Variants in PTK7 observed in about 807,000 individuals in gnomAD.
The protein encoded by PTK7 is inactive tyrosine-protein kinase 7.
In PTK7, 39 loss-of-function variants were observed where a neutral mutation model predicts 116.6. The observed-to-expected ratio is 0.33, with a 90% CI of 0.26 to 0.44. The LOEUF (loss-of-function observed/expected upper bound fraction) is 0.44, where lower values mean the gene tolerates loss of function less well. Among genes scored for constraint, PTK7 ranks in the 20% least tolerant of loss-of-function variants. The pLI is 1.00. For synonymous variants in PTK7, 546 were observed against 563.6 expected (o/e 0.97, Z 0.44); for missense variants, 1,169 against 1,425.6 (o/e 0.82, Z 2.90).
At position 43,076,355 on chromosome 6, in the gene PTK7, C is replaced by CTCGGGG. The variant is rs1347717317; in HGVS notation, c.-128_-123dup. The CTCGGGG allele has an allele frequency of 7.7e-6, 4 of 516,772 alleles. No individual in the cohort carries two copies. Among genetic ancestry groups the CTCGGGG allele is most frequent in the African/African-American group, 2.1e-5 (1 of 48,464 alleles). The allele number at this position is 516,772 out of a possible 1,614,324, so 32.0% of individuals were successfully genotyped here. ...TCCGGCTCGGGACGCCTCGGGACGC[C>CTCGGGG]TCGGGGTCGGGCTCCGGCTGCGGCT... On this transcript the variant is annotated 5_prime_UTR_variant, in exon 1 of 20. Coordinates refer to ENST00000230419, the MANE Select transcript of PTK7 (RefSeq NM_002821.5). The surrounding 1 kb of genome is among the most constrained non-coding windows in gnomAD (Gnocchi z 5.7).
At chr6:43,160,310 G>A (rs1286855875) in intron 19 of PTK7, among the ~76,000 whole-genome samples, 2 of 152,098 alleles carry the variant, frequency 1.3e-5, no homozygotes, top group African/African-American at 4.8e-5. Context: ...AGAGATGGGG[G>A]GGCTTCACCA....
intron 1 of PTK7, among the ~76,000 whole-genome samples, chr6:43,113,695 C>G (rs1002359396): frequency 6.6e-6 from 1 of 152,142 alleles, no homozygotes; most frequent in Non-Finnish European, 1.5e-5. Context: ...TCTGGAAAAG[C>G]TGGATGGAAA....
chr6:43,109,550 T>C (rs1435655040), intron 1 of PTK7, among the ~76,000 whole-genome samples: 1 of 152,158 alleles, frequency 6.6e-6, no homozygotes, highest in Non-Finnish European at 1.5e-5. Context: ...GGATTTATTA[T>C]AATTTATATT....
At chr6:43,080,643 T>C (rs1766323868) in intron 1 of PTK7, among the ~76,000 whole-genome samples, 1 of 151,986 alleles carries the variant, frequency 6.6e-6, no homozygotes, top group Non-Finnish European at 1.5e-5. Context: ...GTGCTGAGGA[T>C]TAAGTATAAT....
chr6:43,145,137 C>T lies in PTK7; in HGVS notation c.2408-63C>T, dbSNP rs918632478. ...ACTGTGGGAGAGGCTAGGCCCCTCC[C>T]CCAGGTCAGGAGCTGCCTCGGCCTG... On this transcript the variant is annotated intron_variant, in intron 15 of 19. Coordinates refer to ENST00000230419, the MANE Select transcript of PTK7 (RefSeq NM_002821.5). The surrounding 1 kb of genome is among the most constrained non-coding windows in gnomAD (Gnocchi z 4.8). 18 of 1,475,076 alleles carry T rather than the reference C, an allele frequency of 1.2e-5. No individual in the cohort carries two copies. In the South Asian group the frequency reaches 1.6e-4, roughly 13 times the overall value. 91.4% of individuals were successfully genotyped at this position (1,475,076 alleles called of 1,614,324 possible). A position where few individuals can be genotyped will look rare whatever the true frequency, so the allele number is the denominator to read the frequency against.
chr6:43,103,853 G>A (rs796380715), intron 1 of PTK7, among the ~76,000 whole-genome samples: 2 of 152,214 alleles, frequency 1.3e-5, no homozygotes, highest in African/African-American at 4.8e-5. Context: ...CTGGAGAACA[G>A]AGTAGATTTT....
Position 43,076,562 on chromosome 6 carries a change from T to C in PTK7, c.74T>C (p.Leu25Pro). 1 of 1,576,448 alleles carries C rather than the reference T, an allele frequency of 6.3e-7. No individual in the cohort carries two copies. Among genetic ancestry groups the C allele is most frequent in the Non-Finnish European group, 8.6e-7 (1 of 1,166,498 alleles). ...CTCAGCGTCCTGCTGCTGCCGCTGC[T>C]GGGCGGTGAGTACCCGAGAGTTGGG... Reference protein sequence around the residue: ...PLLSVLLLPLLGGTQTAIVFI... With the variant: ...PLLSVLLLPLPGGTQTAIVFI... Residue 25 changes from leucine (L) to proline (P), a missense_variant, in exon 1 of 20, where the codon CTG (leucine) becomes CCG (proline). Physicochemically the swap from Leu to Pro is moderately conservative, Grantham distance 98. Transcript: ENST00000230419. This position sits in a 1 kb window ranked among gnomAD's most constrained non-coding sequence, Gnocchi z 5.7.
chr6:43,122,682 C>G (rs906532978), intron 1 of PTK7, among the ~76,000 whole-genome samples: 4 of 150,272 alleles, frequency 2.7e-5, no homozygotes, highest in African/African-American at 9.8e-5. Flanking sequence ...TCTCGGCTCA[C>G]TGCAACCTCT....
intron 1 of PTK7, among the ~76,000 whole-genome samples, chr6:43,087,895 A>G (rs1349976531): frequency 6.6e-6 from 1 of 152,164 alleles, no homozygotes; most frequent in Admixed American, 6.5e-5. Flanking sequence ...ATTAGGGTAT[A>G]ATTTTCTGGG....
rs781117261 is a variant in PTK7 at position 43,132,552 on chromosome 6, A to C, written c.1093A>C (p.Thr365Pro). ...GGAGCACGCGGGAGTCCGGCTGCCC[A>C]CCCATGGCAGGGTCTACCAGAAGGG... ...WWEHAGVRLPTHGRVYQKGHE... is the reference protein window; with the variant it reads ...WWEHAGVRLPPHGRVYQKGHE... The change falls in exon 7 of 20, where the codon ACC (threonine) becomes CCC (proline). Residue 365 changes from threonine to proline, a missense_variant. By Grantham distance (38) the Thr-to-Pro change is conservative (BLOSUM62 -1). Coordinates refer to ENST00000230419, the MANE Select transcript of PTK7 (RefSeq NM_002821.5). 6.2e-7 allele frequency: 1 copy of C among 1,613,328 alleles called. No individual in the cohort carries two copies. The highest frequency in any genetic ancestry group is 8.5e-7 in the Non-Finnish European group (1 of 1,179,804).
intron 1 of PTK7, among the ~76,000 whole-genome samples, chr6:43,116,651 T>TGTGTGTGTGTGTGCGCGCGC (rs1323606377): frequency 1.3e-5 from 1 of 77,276 alleles, no homozygotes; most frequent in African/African-American, 6.4e-5. Context: ...TGTGTGTGTG[T>TGTGTGTGTGTGTGCGCGCGC]GCGCGCGCAC....
At chr6:43,144,850 T>C (rs551379973) in intron 15 of PTK7, 2 of 427,298 alleles carry the variant, frequency 4.7e-6, no homozygotes, top group South Asian at 1.7e-4. Context: ...TTAAATTGAC[T>C]CTTTAAAAAA....
intron 7 of PTK7, among the ~76,000 whole-genome samples, chr6:43,136,910 G>A (rs573304947): frequency 3.3e-5 from 5 of 152,248 alleles, no homozygotes; most frequent in Admixed American, 6.5e-5. Context: ...AGGCTGAGGT[G>A]AGAGGGTTGC....
intron 7 of PTK7, among the ~76,000 whole-genome samples, chr6:43,135,519 G>A (rs545831460): frequency 6.6e-5 from 10 of 152,318 alleles, no homozygotes; most frequent in African/African-American, 2.2e-4. Context: ...GAAAGGGCAG[G>A]GCCAGTGAGA....
chr6:43,118,661 A>C (rs9367170), intron 1 of PTK7, among the ~76,000 whole-genome samples: 12,905 of 41,296 alleles, frequency 0.31, 845 homozygotes, highest in Non-Finnish European at 0.38. Flanking sequence ...CTCTCTCTCT[A>C]TATATATATA....
chr6:43,130,739 C>T, intron 5 of PTK7, 78 bp downstream of exon 5: 1 of 1,514,760 alleles, frequency 6.6e-7, no homozygotes, highest in South Asian at 1.1e-5. Flanking sequence ...CGATTTGTAT[C>T]ACAGACATCA....
At chr6:43,085,714 A>G (rs111434496) in intron 1 of PTK7, among the ~76,000 whole-genome samples, 15,078 of 151,136 alleles carry the variant, frequency 0.1, 1,094 homozygotes, top group East Asian at 0.19. Context: ...CATGTGGATC[A>G]CCTGAGGTCG....
At chr6:43,122,366 T>TGGGTCAGGGAGCCCCGGGG (rs371991018) in intron 1 of PTK7, among the ~76,000 whole-genome samples, 1,580 of 152,136 alleles carry the variant, frequency 0.01, 32 homozygotes, top group African/African-American at 0.036. Context: ...TTGTCCTCTG[T>TGGGTCAGGGAGCCCCGGGG]GGGTCAGGGA....
At chr6:43,112,183 A>G (rs1266395179) in intron 1 of PTK7, among the ~76,000 whole-genome samples, 2 of 152,122 alleles carry the variant, frequency 1.3e-5, no homozygotes, top group East Asian at 1.9e-4. Context: ...AACTTTCCAG[A>G]GGCATTTCAT....
Sources: gnomAD v4.1 joint callset for allele counts (sites outside exome capture counted in the v4.1 genomes callset) on GRCh38, gnomAD v4.1.1 for gene constraint, Gnocchi (gnomAD v3.1) non-coding constraint, MANE v1.5 for transcripts, NCBI Gene and HGNC (gene_info 2026-07-23, HGNC 2026-07-21) for gene names.